Variants in SORCS3 observed in about 807,000 individuals in gnomAD.
SORCS3 encodes sortilin related VPS10 domain containing receptor 3, also known as VPS10 domain-containing receptor SorCS3.
In SORCS3, 57 loss-of-function variants were observed where a neutral mutation model predicts 146.3. That is an observed-to-expected ratio of 0.39 (90% CI 0.31 to 0.49). The LOEUF (loss-of-function observed/expected upper bound fraction) is 0.49. Ranked by LOEUF, SORCS3 falls within the 20% of genes least tolerant of loss-of-function variation. SORCS3 has a pLI of 0.92. For missense variants in SORCS3, 1,341 were observed against 1,575.5 expected (o/e 0.85, Z 2.52); for synonymous variants, 653 against 618.5 (o/e 1.06, Z -0.83).
intron 1 of SORCS3, among the ~76,000 whole-genome samples, chr10:104,838,414 G>T (rs1057243254): frequency 2.1e-4 from 32 of 152,120 alleles, no homozygotes; most frequent in Non-Finnish European, 3.7e-4. Context: ...GGTGGGAGAG[G>T]TCGGGGTGGG....
chr10:104,849,663 A>G (rs1471525700), intron 2 of SORCS3, among the ~76,000 whole-genome samples: 1 of 152,184 alleles, frequency 6.6e-6, no homozygotes, highest in Non-Finnish European at 1.5e-5. Flanking sequence ...AGTCTATCTC[A>G]TATAGGTTTT....
At chr10:104,874,561 C>A (rs1475005199) in intron 2 of SORCS3, among the ~76,000 whole-genome samples, 1 of 151,984 alleles carries the variant, frequency 6.6e-6, no homozygotes, top group Non-Finnish European at 1.5e-5. Flanking sequence ...TCTGGAAACC[C>A]TTAAATGGTA....
At chr10:105,073,780 C>T (rs903246852) in intron 5 of SORCS3, among the ~76,000 whole-genome samples, 3 of 152,058 alleles carry the variant, frequency 2.0e-5, no homozygotes, top group Non-Finnish European at 4.4e-5. Context: ...AAGAATTACT[C>T]GTGTCACAGT....
At chr10:105,073,326 A>G (rs1180237483) in intron 5 of SORCS3, among the ~76,000 whole-genome samples, 2 of 151,650 alleles carry the variant, frequency 1.3e-5, no homozygotes, top group Admixed American at 1.3e-4. Context: ...TTAGATTGTG[A>G]CCCCTTCCAG....
chr10:105,186,400 G>A (rs190865615), intron 14 of SORCS3, among the ~76,000 whole-genome samples: 188 of 152,286 alleles, frequency 1.2e-3, no homozygotes, highest in African/African-American at 4.2e-3. Context: ...AATATATGGT[G>A]AGTAAGTAAT....
At chr10:104,739,202 T>C (rs533634124) in intron 1 of SORCS3, among the ~76,000 whole-genome samples, 13 of 152,314 alleles carry the variant, frequency 8.5e-5, no homozygotes, top group African/African-American at 3.1e-4. Context: ...CTGAGCGATG[T>C]CAAGACACTG....
At chr10:105,132,823 A>G (rs1216440176) in intron 7 of SORCS3, among the ~76,000 whole-genome samples, 1 of 152,190 alleles carries the variant, frequency 6.6e-6, no homozygotes, top group Non-Finnish European at 1.5e-5. Context: ...AGCATGACGG[A>G]TGGGCCCAGA....
At chr10:105,137,754 G>T (rs763328081) in intron 7 of SORCS3, among the ~76,000 whole-genome samples, 1 of 152,202 alleles carries the variant, frequency 6.6e-6, no homozygotes, top group Non-Finnish European at 1.5e-5. Flanking sequence ...TTAGTAATCT[G>T]TGTTTTCACA....
intron 4 of SORCS3, among the ~76,000 whole-genome samples, chr10:105,004,000 C>CTTTTTTTT (rs1226455197): frequency 7.1e-6 from 1 of 140,230 alleles, no homozygotes; most frequent in African/African-American, 2.7e-5. Context: ...TCTTCTCTCT[C>CTTTTTTTT]TTTTTTTTTT....
intron 7 of SORCS3, among the ~76,000 whole-genome samples, chr10:105,108,474 A>G (rs567706745): frequency 1.3e-5 from 2 of 152,330 alleles, no homozygotes; most frequent in South Asian, 4.1e-4. Flanking sequence ...CTAAGAAATA[A>G]GTATTGATAG....
At chr10:104,851,121 C>G (rs1482035294) in intron 2 of SORCS3, among the ~76,000 whole-genome samples, 1 of 152,126 alleles carries the variant, frequency 6.6e-6, no homozygotes, top group African/African-American at 2.4e-5. Context: ...AAATATTGGG[C>G]CCTCAGACAT....
chr10:105,118,321 CCTT>C (rs1190811953), intron 7 of SORCS3, among the ~76,000 whole-genome samples: 1 of 152,136 alleles, frequency 6.6e-6, no homozygotes, highest in African/African-American at 2.4e-5. Context: ...TTCCCCTTCT[CCTT>C]CTGTCATGAT....
At chr10:104,938,902 A>G (rs1046382928) in intron 3 of SORCS3, among the ~76,000 whole-genome samples, 2 of 152,148 alleles carry the variant, frequency 1.3e-5, no homozygotes, top group African/African-American at 4.8e-5. Flanking sequence ...ATGGTTCTCA[A>G]TCTTTCCCTG....
At chr10:105,031,067 G>A (rs2055263338) in intron 4 of SORCS3, among the ~76,000 whole-genome samples, 1 of 151,628 alleles carries the variant, frequency 6.6e-6, no homozygotes, top group African/African-American at 2.4e-5. Flanking sequence ...GGCCGAGGTG[G>A]GCGGATCACC....
chr10:105,227,678 C>G (rs955342411), intron 20 of SORCS3, among the ~76,000 whole-genome samples: 1 of 152,112 alleles, frequency 6.6e-6, no homozygotes, highest in Non-Finnish European at 1.5e-5. Flanking sequence ...GATTCCATCT[C>G]TCCCTTTAGA....
At chr10:104,776,434 C>T (rs977324089) in intron 1 of SORCS3, among the ~76,000 whole-genome samples, 8 of 152,056 alleles carry the variant, frequency 5.3e-5, no homozygotes, top group African/African-American at 1.9e-4. Context: ...ATCTAAAAGT[C>T]AATTACATTT....
chr10:104,681,119 A>T (rs1391936231), intron 1 of SORCS3, among the ~76,000 whole-genome samples: 2 of 152,232 alleles, frequency 1.3e-5, no homozygotes, highest in African/African-American at 4.8e-5. Flanking sequence ...TTCCCACTTT[A>T]AAACGGGAAA....
intron 1 of SORCS3, among the ~76,000 whole-genome samples, chr10:104,776,875 G>GAA (rs773003360): frequency 3.3e-5 from 4 of 121,736 alleles, no homozygotes; most frequent in Non-Finnish European, 3.5e-5. Flanking sequence ...CAGCAGCAGG[G>GAA]AAAAAAAAAA....
At chr10:105,168,663 C>T (rs1193604620) in intron 13 of SORCS3, among the ~76,000 whole-genome samples, 1 of 152,054 alleles carries the variant, frequency 6.6e-6, no homozygotes, top group Non-Finnish European at 1.5e-5. Context: ...TTCCCTAATG[C>T]CAAATCCAAG....
Sources: gnomAD v4.1 joint callset for allele counts (sites outside exome capture counted in the v4.1 genomes callset) on GRCh38, gnomAD v4.1.1 for gene constraint, MANE v1.5 for transcripts, NCBI Gene and HGNC (gene_info 2026-07-23, HGNC 2026-07-21) for gene names.